The following PFKFB3 variants were observed in gnomAD, a reference collection of about 807,000 sequenced individuals.
The protein encoded by PFKFB3 is 6-phosphofructo-2-kinase/fructose-2,6-biphosphatase 3, also known as 6-phosphofructo-2-kinase/fructose-2,6-bisphosphatase 3.
A neutral mutation model predicts 68.0 loss-of-function variants in PFKFB3; 33 were observed. That is an observed-to-expected ratio of 0.49 (90% CI 0.37 to 0.65). PFKFB3 has a LOEUF of 0.65. Ranked by LOEUF, PFKFB3 falls within the 30% of genes least tolerant of loss-of-function variation. PFKFB3 has a pLI of 0.00. For missense variants in PFKFB3, 586 were observed against 712.2 expected, an observed-to-expected ratio of 0.82 and a Z score of 2.02; for synonymous variants, 315 against 288.2, an observed-to-expected ratio of 1.09 and a Z score of -0.94.
At chr10:6,166,407 C>T (rs1478149834) in intron 1 of PFKFB3, among the ~76,000 whole-genome samples, 5 of 150,754 alleles carry the variant, frequency 3.3e-5, no homozygotes, top group Non-Finnish European at 5.9e-5. Flanking sequence ...TTTTTTTTTT[C>T]TGAGCCTCTT....
At chr10:6,278,382 TCTC>T in the PFKFB3 span, among the ~76,000 whole-genome samples, 1 of 151,600 alleles carries the variant, frequency 6.6e-6, no homozygotes, top group Non-Finnish European at 1.5e-5. Flanking sequence ...TTCAAACAAT[TCTC>T]CTGCTGCAGC....
chr10:6,182,429 C>A (rs140904447), intron 1 of PFKFB3, among the ~76,000 whole-genome samples: 1 of 152,130 alleles, frequency 6.6e-6, no homozygotes, highest in Admixed American at 6.5e-5. Flanking sequence ...GGGAAGGAAG[C>A]GGTCCTGGTG....
chr10:6,165,821 G>GTT (rs199743692), intron 1 of PFKFB3, among the ~76,000 whole-genome samples: 25 of 145,524 alleles, frequency 1.7e-4, no homozygotes, highest in African/African-American at 5.3e-4. Context: ...CTTTGTCTTT[G>GTT]TTTTTTTTTT....
chr10:6,153,852 T>TA (rs1020572720), intron 1 of PFKFB3, among the ~76,000 whole-genome samples: 330 of 142,650 alleles, frequency 2.3e-3, no homozygotes, highest in African/African-American at 7.6e-3. Flanking sequence ...AGACTCCATC[T>TA]AAAAAAAAAA....
At chr10:6,165,220 C>T (rs1258137616) in intron 1 of PFKFB3, among the ~76,000 whole-genome samples, 1 of 152,088 alleles carries the variant, frequency 6.6e-6, no homozygotes, top group Non-Finnish European at 1.5e-5. Flanking sequence ...ATGACTTTTA[C>T]CAAGCATACT....
chr10:6,191,760 A>G (rs1208049000), intron 1 of PFKFB3, among the ~76,000 whole-genome samples: 1 of 152,166 alleles, frequency 6.6e-6, no homozygotes, highest in Non-Finnish European at 1.5e-5. Flanking sequence ...TCTACCTTCA[A>G]ATCAGCATCT....
At chr10:6,239,912 G>A (rs1430973266), downstream of PFKFB3, among the ~76,000 whole-genome samples, 1 of 152,054 alleles carries the variant, frequency 6.6e-6, no homozygotes, top group African/African-American at 2.4e-5. Flanking sequence ...GGACTCAAGC[G>A]ATCTGCCCCA....
At position 6,220,935 on chromosome 10, in the gene PFKFB3, G is replaced by T. The variant is rs1844911456; in HGVS notation, c.831+70G>T. The T allele has an allele frequency of 7.0e-7, 1 of 1,418,698 alleles. No individual in the cohort carries two copies. The highest frequency in any genetic ancestry group is 1.5e-5 in the African/African-American group (1 of 65,816). 87.9% of individuals were successfully genotyped at this position (1,418,698 alleles called of 1,614,324 possible). ...TTGCAGGGTCTATAGGGTGGGTGGGGAGCTGTGTGCTGCTGCTGCTGCTGC... is the reference window on the plus strand; with the variant it reads ...TTGCAGGGTCTATAGGGTGGGTGGGTAGCTGTGTGCTGCTGCTGCTGCTGC... On this transcript the variant is annotated intron_variant, in intron 8 of 14. Transcript: ENST00000379775. The surrounding 1 kb of genome is among the most constrained non-coding windows in gnomAD (Gnocchi z 4.1).
At chr10:6,259,624 A>ATCCATCCATCCGTCCATCCATCCATCCT (rs1329658698), downstream of PFKFB3, among the ~76,000 whole-genome samples, 3 of 151,972 alleles carry the variant, frequency 2.0e-5, no homozygotes, top group African/African-American at 7.3e-5. Flanking sequence ...CCATCCACCC[A>ATCCATCCATCCGTCCATCCATCCATCCT]TCCATCCATC....
chr10:6,247,410 A>G (rs1393878301), intron 14 of PFKFB3, among the ~76,000 whole-genome samples: 3 of 152,240 alleles, frequency 2.0e-5, no homozygotes, highest in African/African-American at 4.8e-5. Context: ...GCCTTCTAAA[A>G]TGTAGGCCTG....
chr10:6,197,914 CCTTTT>C (rs1843217938), upstream of PFKFB3: 2 of 152,202 alleles, frequency 1.3e-5, no homozygotes, highest in East Asian at 3.9e-4. Flanking sequence ...CTTAAAATTT[CCTTTT>C]CTTTTACTTT....
intron 1 of PFKFB3, among the ~76,000 whole-genome samples, chr10:6,210,420 G>A (rs2131913794): frequency 1.0e-5 from 1 of 99,550 alleles, no homozygotes; most frequent in African/African-American, 2.9e-5. Context: ...GAGTGCAGTG[G>A]CGCTATCTCG....
rs61839758 is a variant in PFKFB3, at chr10:6,206,638, A to T, written c.76+3302A>T. 4.9e-3 allele frequency among the ~76,000 whole-genome samples: 727 copies of T among 147,434 alleles called. 8 individuals carry two copies. Among genetic ancestry groups the T allele is most frequent in the African/African-American group, 0.017 (667 of 39,014 alleles). On this transcript the variant is annotated intron_variant, in intron 1 of 14. Transcript: ENST00000379775. Reference sequence around the variant, plus strand: ...GCTGCCGGGCGGAGACGCTCCTCACATCCCAGATGGGGCGGCGGGGCAGAG... The same window carrying T: ...GCTGCCGGGCGGAGACGCTCCTCACTTCCCAGATGGGGCGGCGGGGCAGAG...
rs1564599981 is a variant in PFKFB3 at position 6,177,468 on chromosome 10, C to CTTTCTTTCTTTCTTTCTTTCTTTCTT, written c.16+32474_16+32475insCTTTCTTTTTCTTTCTTTCTTTCTTT. 6.6e-5 allele frequency among the ~76,000 whole-genome samples: 8 copies of CTTTCTTTCTTTCTTTCTTTCTTTCTT among 120,738 alleles called. No homozygotes were observed. The South Asian group carries it at 2.1e-3, about 31-fold the overall frequency. 79.2% of individuals were successfully genotyped at this position (120,738 alleles called of 152,430 possible). ...TCTTTCTTTCTTTCTTTCTTTCTTTCTTTCTTTCTTTCTTTCTTTTTCTTT... is the reference window on the plus strand; with the variant it reads ...TCTTTCTTTCTTTCTTTCTTTCTTTCTTTCTTTCTTTCTTTCTTTCTTTCTTTTTCTTTCTTTCTTTCTTTTTCTTT... On this transcript the variant is annotated intron_variant, in intron 1 of 14. Coordinates refer to the PFKFB3 transcript ENST00000379789.
chr10:6,224,107 C>G, intron 12 of PFKFB3, 42 bp from the exon 13 acceptor site: 1 of 1,610,668 alleles, frequency 6.2e-7, no homozygotes, highest in Non-Finnish European at 8.5e-7. Flanking sequence ...GGTGCTGTCC[C>G]TTTAACAGCA....
At chr10:6,311,377 T>C in the PFKFB3 span, among the ~76,000 whole-genome samples, 1 of 152,138 alleles carries the variant, frequency 6.6e-6, no homozygotes, top group Non-Finnish European at 1.5e-5. Context: ...CCTTTTGCTC[T>C]CCCTAATTCC....
the PFKFB3 span, among the ~76,000 whole-genome samples, chr10:6,290,795 C>T: frequency 1.3e-4 from 20 of 152,240 alleles, no homozygotes; most frequent in African/African-American, 4.1e-4. Context: ...TAAGCCACCA[C>T]GCCTGGCCTG....
the PFKFB3 span, among the ~76,000 whole-genome samples, chr10:6,306,919 C>G: frequency 4.6e-5 from 7 of 152,304 alleles, no homozygotes; most frequent in Non-Finnish European, 1.0e-4. Flanking sequence ...CCAATGTGCC[C>G]AGATATTTGG....
chr10:6,190,770 C>T (rs1843001616), intron 1 of PFKFB3, among the ~76,000 whole-genome samples: 1 of 152,166 alleles, frequency 6.6e-6, no homozygotes, highest in African/African-American at 2.4e-5. Flanking sequence ...TCAGGGTTTT[C>T]TGTGCCTCAT....
Sources: allele counts gnomAD v4.1 joint callset (sites outside exome capture counted in the v4.1 genomes callset), GRCh38; gene constraint gnomAD v4.1.1; non-coding constraint Gnocchi (gnomAD v3.1); transcripts MANE v1.5; gene names NCBI Gene and HGNC (gene_info 2026-07-23, HGNC 2026-07-21).